SLIT3: variants seen among roughly 807,000 people sequenced by gnomAD.
SLIT3 encodes the protein slit guidance ligand 3.
A neutral mutation model predicts 184.0 loss-of-function variants in SLIT3; 68 were observed. The observed-to-expected ratio is 0.37, with a 90% CI of 0.30 to 0.45. SLIT3 has a LOEUF of 0.45. Ranked by LOEUF, SLIT3 falls within the 20% of genes least tolerant of loss-of-function variation. The probability of loss-of-function intolerance (pLI) is 1.00; values close to 1 mark genes in which losing one functional copy is unlikely to be tolerated. For missense variants in SLIT3, 1,707 were observed against 2,026.0 expected, an observed-to-expected ratio of 0.84 and a Z score of 3.02; for synonymous variants, 831 against 828.6, an observed-to-expected ratio of 1.00 and a Z score of -0.05.
At chr5:169,285,995 T>C (rs1263523008) in intron 1 of SLIT3, among the ~76,000 whole-genome samples, 1 of 152,206 alleles carries the variant, frequency 6.6e-6, no homozygotes, top group East Asian at 1.9e-4. Flanking sequence ...TTGGGGTGGA[T>C]TGTTAAGCAG....
intron 8 of SLIT3, among the ~76,000 whole-genome samples, chr5:168,810,926 C>T (rs1757138067): frequency 6.6e-6 from 1 of 152,038 alleles, no homozygotes; most frequent in Non-Finnish European, 1.5e-5. Context: ...GCCCAGTATC[C>T]CATCTCTGCT....
chr5:168,862,304 C>T (rs1029434498), intron 5 of SLIT3, among the ~76,000 whole-genome samples: 12 of 152,066 alleles, frequency 7.9e-5, no homozygotes, highest in East Asian at 1.9e-4. Context: ...CAGAAATCAC[C>T]GCTAAAGAAC....
intron 4 of SLIT3, among the ~76,000 whole-genome samples, chr5:169,064,631 T>C (rs1049512444): frequency 9.9e-5 from 15 of 152,264 alleles, no homozygotes; most frequent in South Asian, 4.1e-4. Context: ...GGCTGTATGA[T>C]GAGTGTTACG....
intron 3 of SLIT3, among the ~76,000 whole-genome samples, chr5:169,204,031 G>A (rs963154880): frequency 6.6e-6 from 1 of 152,148 alleles, no homozygotes; most frequent in East Asian, 1.9e-4. Context: ...GAACTTGGAT[G>A]TGGTTACCGT....
chr5:168,681,186 A>T (rs2113211895), intron 32 of SLIT3, among the ~76,000 whole-genome samples: 1 of 152,290 alleles, frequency 6.6e-6, no homozygotes, highest in South Asian at 2.1e-4. Context: ...TTGCTTCATC[A>T]TTGGTGTTCC....
chr5:169,224,124 T>C (rs1764711973), intron 3 of SLIT3, among the ~76,000 whole-genome samples: 1 of 152,206 alleles, frequency 6.6e-6, no homozygotes, highest in Non-Finnish European at 1.5e-5. Context: ...AATGAGACTT[T>C]GGTCTCATTT....
chr5:168,753,272 G>A (rs758950715), intron 17 of SLIT3, among the ~76,000 whole-genome samples, 174 bp from the exon 18 acceptor site: 1 of 152,230 alleles, frequency 6.6e-6, no homozygotes, highest in Non-Finnish European at 1.5e-5. Flanking sequence ...CCCCACTGGG[G>A]CTGTGTGTAA....
At chr5:168,857,385 T>TTTG (rs1234772329) in intron 5 of SLIT3, among the ~76,000 whole-genome samples, 1 of 151,966 alleles carries the variant, frequency 6.6e-6, no homozygotes, top group South Asian at 2.1e-4. Flanking sequence ...TTTGTTTTGT[T>TTTG]TTGTTTTGTT....
At chr5:169,240,281 T>C (rs1765350774) in intron 3 of SLIT3, among the ~76,000 whole-genome samples, 1 of 151,920 alleles carries the variant, frequency 6.6e-6, no homozygotes, top group African/African-American at 2.4e-5. Flanking sequence ...TTATTTAATA[T>C]TCTATATTTT....
intron 4 of SLIT3, among the ~76,000 whole-genome samples, chr5:169,111,008 C>G (rs936310359): frequency 1.4e-4 from 22 of 152,228 alleles, no homozygotes; most frequent in African/African-American, 5.1e-4. Flanking sequence ...AGCCTTTGCC[C>G]TCTCTGCAAC....
At chr5:169,280,675 A>G (rs967596155) in intron 1 of SLIT3, among the ~76,000 whole-genome samples, 8 of 152,290 alleles carry the variant, frequency 5.3e-5, no homozygotes, top group Admixed American at 5.2e-4. Flanking sequence ...GGTGCAGAAG[A>G]TCTGGCTGGA....
chr5:168,936,032 A>G (rs746984664), intron 4 of SLIT3, among the ~76,000 whole-genome samples: 5 of 152,236 alleles, frequency 3.3e-5, no homozygotes, highest in Non-Finnish European at 7.3e-5. Context: ...CATAGTTGTA[A>G]TTAGTTTCCC....
intron 3 of SLIT3, among the ~76,000 whole-genome samples, chr5:169,194,921 C>T (rs1348927992): frequency 6.6e-6 from 1 of 152,158 alleles, no homozygotes; most frequent in African/African-American, 2.4e-5. Context: ...CATGCTAGCC[C>T]CATGCCCCTC....
At chr5:168,897,647 T>TGCGCACACACACACACACACACAC (rs3223457) in intron 4 of SLIT3, among the ~76,000 whole-genome samples, 4 of 141,414 alleles carry the variant, frequency 2.8e-5, no homozygotes, top group South Asian at 2.3e-4. Flanking sequence ...CAGGTGCACG[T>TGCGCACACACACACACACACACAC]ACACACACAC....
intron 20 of SLIT3, among the ~76,000 whole-genome samples, chr5:168,744,399 A>G (rs10475888): frequency 0.06 from 9,109 of 152,288 alleles, 425 homozygotes; most frequent in African/African-American, 0.12. Flanking sequence ...TGATCTAGCT[A>G]AGATAATTGA....
chr5:168,969,877 C>T (rs967090354), intron 4 of SLIT3, among the ~76,000 whole-genome samples: 2 of 152,184 alleles, frequency 1.3e-5, no homozygotes, highest in Admixed American at 1.3e-4. Context: ...TCTTCCTCAT[C>T]ATCCTTTAAG....
chr5:168,667,927 G>A (rs1489985910), intron 35 of SLIT3, among the ~76,000 whole-genome samples: 2 of 152,124 alleles, frequency 1.3e-5, no homozygotes, highest in African/African-American at 4.8e-5. Context: ...TGGGGTGAAG[G>A]GATTAAGCTG....
At chr5:169,019,046 G>A (rs1029173727) in intron 4 of SLIT3, among the ~76,000 whole-genome samples, 8 of 152,204 alleles carry the variant, frequency 5.3e-5, no homozygotes, top group Non-Finnish European at 1.0e-4. Context: ...CTGGGCAACA[G>A]GAAGGAAGCC....
At chr5:169,260,032 G>T (rs1216147974) in intron 1 of SLIT3, among the ~76,000 whole-genome samples, 1 of 152,056 alleles carries the variant, frequency 6.6e-6, no homozygotes, top group Admixed American at 6.5e-5. Flanking sequence ...CCACATTCAA[G>T]TTCCCACAGC....
Sources: allele counts gnomAD v4.1 joint callset (sites outside exome capture counted in the v4.1 genomes callset), GRCh38; gene constraint gnomAD v4.1.1; transcripts MANE v1.5; gene names NCBI Gene and HGNC (gene_info 2026-07-23, HGNC 2026-07-21).